The following PPARGC1A variants were observed in gnomAD, a reference collection of about 807,000 sequenced individuals.
PPARGC1A encodes peroxisome proliferator-activated receptor gamma coactivator 1-alpha.
A neutral mutation model predicts 88.7 loss-of-function variants in PPARGC1A; 25 were observed. That is an observed-to-expected ratio of 0.28 (90% CI 0.21 to 0.39). The LOEUF (loss-of-function observed/expected upper bound fraction) is 0.39. Among genes scored for constraint, PPARGC1A ranks in the 10% least tolerant of loss-of-function variants. The pLI is 1.00. For synonymous variants in PPARGC1A, 363 were observed against 355.6 expected, an observed-to-expected ratio of 1.02 and a Z score of -0.24; for missense variants, 880 against 968.7, an observed-to-expected ratio of 0.91 and a Z score of 1.22.
chr4:24,354,615 G>A, the PPARGC1A span, among the ~76,000 whole-genome samples: 2 of 152,196 alleles, frequency 1.3e-5, no homozygotes, highest in Non-Finnish European at 2.9e-5. Flanking sequence ...GGCTGGGTGC[G>A]GTGGCTCACA....
chr4:24,058,554 G>A, the PPARGC1A span, among the ~76,000 whole-genome samples: 1 of 151,588 alleles, frequency 6.6e-6, no homozygotes, highest in South Asian at 2.1e-4. Context: ...CCCTCCTCTT[G>A]TTTATGAGAT....
chr4:24,102,133 G>A, the PPARGC1A span, among the ~76,000 whole-genome samples: 2 of 152,166 alleles, frequency 1.3e-5, no homozygotes, highest in Admixed American at 1.3e-4. Context: ...CAGTGTCGTT[G>A]GAGAAGAGCA....
the PPARGC1A span, among the ~76,000 whole-genome samples, chr4:24,208,233 T>C: frequency 6.6e-6 from 1 of 151,862 alleles, no homozygotes; most frequent in African/African-American, 2.4e-5. Flanking sequence ...CAGTGAGCTA[T>C]GAACATCCCA....
chr4:23,881,248 G>A (rs1053697352), intron 2 of PPARGC1A: 1 of 152,196 alleles, frequency 6.6e-6, no homozygotes. Flanking sequence ...TTCACTGGAG[G>A]CTGTTACCTC....
the PPARGC1A span, among the ~76,000 whole-genome samples, chr4:24,136,043 G>C: frequency 3.9e-5 from 6 of 152,248 alleles, no homozygotes; most frequent in Admixed American, 2.0e-4. Context: ...TGGCAGGCAC[G>C]GTTCCCTTGG....
the PPARGC1A span, among the ~76,000 whole-genome samples, chr4:24,287,291 G>C: frequency 1.3e-5 from 2 of 151,986 alleles, no homozygotes; most frequent in African/African-American, 4.8e-5. Flanking sequence ...TTTATAATGA[G>C]TCACAAAATC....
At chr4:23,931,671 T>G in the PPARGC1A span, among the ~76,000 whole-genome samples, 2 of 152,042 alleles carry the variant, frequency 1.3e-5, no homozygotes, top group Admixed American at 6.5e-5. Flanking sequence ...ACCTAACACC[T>G]CTCTCTAAGC....
chr4:23,997,089 T>A, the PPARGC1A span, among the ~76,000 whole-genome samples: 1 of 152,180 alleles, frequency 6.6e-6, no homozygotes, highest in Non-Finnish European at 1.5e-5. Flanking sequence ...CATCTTCTGG[T>A]TAAGATTTGA....
the PPARGC1A span, among the ~76,000 whole-genome samples, chr4:24,025,109 C>A: frequency 6.6e-6 from 1 of 152,134 alleles, no homozygotes; most frequent in Non-Finnish European, 1.5e-5. Context: ...AATTTCCTTT[C>A]CTAATGGTGA....
the PPARGC1A span, among the ~76,000 whole-genome samples, chr4:24,401,423 C>A: frequency 2.0e-5 from 3 of 152,148 alleles, no homozygotes; most frequent in Non-Finnish European, 4.4e-5. Context: ...CATTATCGGG[C>A]CAATGAACAC....
At chr4:24,361,401 T>C in the PPARGC1A span, among the ~76,000 whole-genome samples, 5 of 152,306 alleles carry the variant, frequency 3.3e-5, no homozygotes, top group East Asian at 7.7e-4. Flanking sequence ...AGACCTGAAA[T>C]GAAGACTTTG....
the PPARGC1A span, among the ~76,000 whole-genome samples, chr4:24,440,601 A>G: frequency 5.9e-5 from 9 of 152,312 alleles, no homozygotes; most frequent in African/African-American, 2.2e-4. Flanking sequence ...CAGGAGTTTG[A>G]GACCAGCCTG....
At chr4:24,136,094 T>C in the PPARGC1A span, among the ~76,000 whole-genome samples, 254 of 152,358 alleles carry the variant, frequency 1.7e-3, 1 homozygote, top group Non-Finnish European at 2.2e-3. Flanking sequence ...CTTCCAGGCT[T>C]ATGCCCTGAT....
At chr4:24,466,832 T>C in the PPARGC1A span, among the ~76,000 whole-genome samples, 1 of 128,052 alleles carries the variant, frequency 7.8e-6, no homozygotes, top group East Asian at 2.2e-4. Context: ...GAGAATTGCT[T>C]GTACCCAGGA....
At chr4:24,174,310 C>T in the PPARGC1A span, among the ~76,000 whole-genome samples, 1 of 152,172 alleles carries the variant, frequency 6.6e-6, no homozygotes, top group Admixed American at 6.5e-5. Flanking sequence ...TAAGAATCAC[C>T]TGAGACGCTT....
chr4:24,074,388 T>C, the PPARGC1A span, among the ~76,000 whole-genome samples: 1 of 152,160 alleles, frequency 6.6e-6, no homozygotes, highest in Non-Finnish European at 1.5e-5. Context: ...CACACACACG[T>C]CAGCATTTCA....
the PPARGC1A span, among the ~76,000 whole-genome samples, chr4:24,388,132 CA>C: frequency 9.5e-6 from 1 of 105,082 alleles, no homozygotes; most frequent in Non-Finnish European, 1.9e-5. Context: ...GGAACTTAAA[CA>C]AATCTACAAG....
the PPARGC1A span, among the ~76,000 whole-genome samples, chr4:24,320,717 T>C: frequency 1.3e-5 from 2 of 152,208 alleles, no homozygotes; most frequent in African/African-American, 2.4e-5. Context: ...CTTGGGTGTG[T>C]GTGCAAAAGC....
chr4:23,855,375 T>C (rs1577526041), intron 2 of PPARGC1A, among the ~76,000 whole-genome samples: 2 of 152,180 alleles, frequency 1.3e-5, no homozygotes. Context: ...AAAATACTTA[T>C]CTTTACTTCC....
Sources: gnomAD v4.1 joint callset for allele counts (sites outside exome capture counted in the v4.1 genomes callset) on GRCh38, gnomAD v4.1.1 for gene constraint, MANE v1.5 for transcripts, NCBI Gene and HGNC (gene_info 2026-07-23, HGNC 2026-07-21) for gene names.